The following PLCE1 variants were observed in gnomAD, a reference collection of about 807,000 sequenced individuals.
PLCE1 encodes the protein 1-phosphatidylinositol 4,5-bisphosphate phosphodiesterase epsilon-1.
A neutral mutation model predicts 242.8 loss-of-function variants in PLCE1; 119 were observed. The ratio of observed to expected loss-of-function variants is 0.49; its 90% CI spans 0.42 to 0.57. The LOEUF (loss-of-function observed/expected upper bound fraction) is 0.57, where lower values mean the gene tolerates loss of function less well. Ranked by LOEUF, PLCE1 falls within the 20% of genes least tolerant of loss-of-function variation. The pLI is 0.00. For synonymous variants in PLCE1, 945 were observed against 1,017.4 expected (o/e 0.93, Z 1.35); for missense variants, 2,441 against 2,788.8 (o/e 0.88, Z 2.81).
intron 2 of PLCE1, among the ~76,000 whole-genome samples, chr10:94,123,069 T>G (rs1475015778): frequency 6.6e-6 from 1 of 152,170 alleles, no homozygotes; most frequent in African/African-American, 2.4e-5. Context: ...GGGGAAATAG[T>G]AGGAGAGTAA....
At chr10:94,248,967 G>A (rs2050781941) in intron 8 of PLCE1, among the ~76,000 whole-genome samples, 1 of 152,186 alleles carries the variant, frequency 6.6e-6, no homozygotes, top group Non-Finnish European at 1.5e-5. Context: ...GGCAGGTGAA[G>A]AGGTAAGAGT....
At chr10:94,099,245 A>G (rs1244331994) in intron 2 of PLCE1, among the ~76,000 whole-genome samples, 1 of 152,194 alleles carries the variant, frequency 6.6e-6, no homozygotes, top group Non-Finnish European at 1.5e-5. Flanking sequence ...GGATTATATG[A>G]AAAGCAGGCA....
intron 3 of PLCE1, among the ~76,000 whole-genome samples, chr10:94,154,397 C>A (rs1026961886): frequency 6.6e-6 from 1 of 152,128 alleles, no homozygotes; most frequent in Non-Finnish European, 1.5e-5. Context: ...AGCTTCACGA[C>A]ATTGGGTCTG....
At chr10:94,253,504 C>T (rs961174464) in intron 9 of PLCE1, among the ~76,000 whole-genome samples, 4 of 152,110 alleles carry the variant, frequency 2.6e-5, no homozygotes, top group African/African-American at 9.7e-5. Flanking sequence ...CAGGTGTACA[C>T]CACCATGCCT....
At chr10:94,140,744 C>T (rs1396905874) in intron 3 of PLCE1, among the ~76,000 whole-genome samples, 1 of 152,174 alleles carries the variant, frequency 6.6e-6, no homozygotes, top group African/African-American at 2.4e-5. Context: ...AACGATTACC[C>T]TTTACATGCC....
intron 27 of PLCE1, among the ~76,000 whole-genome samples, chr10:94,312,932 A>G (rs1198824426): frequency 1.3e-5 from 2 of 151,806 alleles, no homozygotes; most frequent in African/African-American, 4.8e-5. Context: ...AGTACCCTGA[A>G]GAGAGATGGA....
intron 2 of PLCE1, among the ~76,000 whole-genome samples, chr10:94,067,169 T>C (rs540478319): frequency 6.6e-6 from 1 of 152,288 alleles, no homozygotes; most frequent in Non-Finnish European, 1.5e-5. Flanking sequence ...CTCCTTCTTC[T>C]TGATCTCTGC....
At chr10:94,262,888 T>A (rs2051356785) in intron 14 of PLCE1, among the ~76,000 whole-genome samples, 156 bp downstream of exon 14, 1 of 152,120 alleles carries the variant, frequency 6.6e-6, no homozygotes. Flanking sequence ...TTTGGGTGTT[T>A]TTGAGACAGA....
intron 1 of PLCE1, among the ~76,000 whole-genome samples, chr10:94,015,448 A>G (rs2061259398): frequency 2.6e-5 from 4 of 152,218 alleles, no homozygotes; most frequent in Admixed American, 2.6e-4. Context: ...TTAAGTGACT[A>G]GTAGTATGCA....
chr10:94,266,309 A>C (rs753135797), intron 16 of PLCE1, among the ~76,000 whole-genome samples: 37 of 152,218 alleles, frequency 2.4e-4, no homozygotes, highest in South Asian at 2.1e-4. Context: ...TAACTGCTAA[A>C]TAATATATTG....
chr10:94,171,577 C>A, intron 4 of PLCE1, 81 bp downstream of exon 4: 2 of 1,109,884 alleles, frequency 1.8e-6, no homozygotes, highest in Non-Finnish European at 2.8e-6. Flanking sequence ...CTAGGTTTGT[C>A]TGTTCCTGAT....
intron 23 of PLCE1, among the ~76,000 whole-genome samples, chr10:94,294,757 C>T (rs1176590604): frequency 6.6e-6 from 1 of 152,110 alleles, no homozygotes; most frequent in Non-Finnish European, 1.5e-5. Flanking sequence ...GCTGCTGATT[C>T]ATCAGGGGGG....
At chr10:94,189,086 G>A (rs920531646) in intron 4 of PLCE1, among the ~76,000 whole-genome samples, 13 of 149,780 alleles carry the variant, frequency 8.7e-5, no homozygotes, top group Admixed American at 2.7e-4. Flanking sequence ...ATTGATAGTC[G>A]CCATGCATGT....
At chr10:94,016,946 A>G (rs969928494) in intron 1 of PLCE1, among the ~76,000 whole-genome samples, 6 of 152,230 alleles carry the variant, frequency 3.9e-5, no homozygotes, top group African/African-American at 1.4e-4. Context: ...ATATTAAAAA[A>G]TGAACTATAC....
In PLCE1 at chr10:94,306,450, C is replaced by G; in HGVS notation, c.5646C>G (p.Cys1882Trp). 1.9e-6 allele frequency: 3 copies of G among 1,614,064 alleles called. No individual in the cohort carries two copies. The highest frequency in any genetic ancestry group is 2.5e-6 in the Non-Finnish European group (3 of 1,179,960). The change falls in exon 26 of 33, where the codon TGC (cysteine) becomes TGG (tryptophan). Residue 1882 changes from cysteine (C) to tryptophan (W), a missense_variant. By Grantham distance (215) the Cys-to-Trp change is radical (BLOSUM62 -2). Coordinates refer to ENST00000371380, the MANE Select transcript of PLCE1 (RefSeq NM_016341.4). This position sits in a 1 kb window ranked among gnomAD's most constrained non-coding sequence, Gnocchi z 5.7. ...SLTIVSGQNVCPSNSMGSPCI... is the reference protein window; with the variant it reads ...SLTIVSGQNVWPSNSMGSPCI... Reference sequence around the variant, plus strand: ...AGATTGTCTCTGGTCAGAATGTGTGCCCCAGTAATAGCATGGGAAGCCCGT... The same window carrying G: ...AGATTGTCTCTGGTCAGAATGTGTGGCCCAGTAATAGCATGGGAAGCCCGT...
At chr10:93,999,555 T>C (rs1478980328) in intron 1 of PLCE1, among the ~76,000 whole-genome samples, 1 of 152,170 alleles carries the variant, frequency 6.6e-6, no homozygotes, top group Non-Finnish European at 1.5e-5. Context: ...GCAGTGTAGT[T>C]GGTTTTTTTC....
At chr10:94,265,593 CCCCCT>C in intron 14 of PLCE1, 49 bp from the exon 15 acceptor site, 1 of 1,423,122 alleles carries the variant, frequency 7.0e-7, no homozygotes, top group Non-Finnish European at 9.9e-7. Context: ...TGGTTTCTTT[CCCCCT>C]CTTAGTTTCC....
chr10:94,073,766 A>G (rs1488162629), intron 2 of PLCE1, among the ~76,000 whole-genome samples: 3 of 152,166 alleles, frequency 2.0e-5, no homozygotes, highest in African/African-American at 2.4e-5. Flanking sequence ...TGCTCCCCAC[A>G]CAGAATGCCA....
intron 2 of PLCE1, among the ~76,000 whole-genome samples, chr10:94,097,720 C>G (rs2045366357): frequency 6.6e-6 from 1 of 152,138 alleles, no homozygotes; most frequent in African/African-American, 2.4e-5. Context: ...TTGGAAAGTT[C>G]AGCTATTTGC....
Sources: gnomAD v4.1 joint callset for allele counts (sites outside exome capture counted in the v4.1 genomes callset) on GRCh38, gnomAD v4.1.1 for gene constraint, Gnocchi (gnomAD v3.1) non-coding constraint, MANE v1.5 for transcripts, NCBI Gene and HGNC (gene_info 2026-07-23, HGNC 2026-07-21) for gene names.